The following CA10 variants were observed in gnomAD, a reference collection of about 807,000 sequenced individuals.
The protein encoded by CA10 is carbonic anhydrase 10 (inactive), also known as carbonic anhydrase-related protein 10.
Under a neutral mutation model 44.2 loss-of-function variants are expected in CA10, and 14 were observed. That is an observed-to-expected ratio of 0.32 (90% CI 0.21 to 0.50). The LOEUF is 0.50. CA10 is among the 20% of genes least tolerant of loss of function. The pLI, the probability that CA10 is intolerant of heterozygous loss-of-function variation, is 0.99. For missense variants in CA10, 350 were observed against 409.7 expected (o/e 0.85, Z 1.26); for synonymous variants, 159 against 141.6 (o/e 1.12, Z -0.87).
At chr17:51,962,675 A>G (rs915619220) in intron 2 of CA10, among the ~76,000 whole-genome samples, 2 of 152,176 alleles carry the variant, frequency 1.3e-5, no homozygotes, top group Admixed American at 6.5e-5. Flanking sequence ...CATATTCAAC[A>G]TTCTCTATGG....
chr17:51,794,048 A>G (rs530693356), intron 3 of CA10, among the ~76,000 whole-genome samples: 5 of 152,372 alleles, frequency 3.3e-5, no homozygotes, highest in Admixed American at 3.3e-4. Context: ...AAAAAGCTGA[A>G]TTGAACTAGG....
chr17:52,135,640 T>C (rs1171987691), intron 1 of CA10, among the ~76,000 whole-genome samples: 1 of 152,172 alleles, frequency 6.6e-6, no homozygotes, highest in East Asian at 1.9e-4. Flanking sequence ...AGGCTATGCT[T>C]CCTAGCCTGT....
chr17:51,888,488 T>A (rs2143903915), intron 3 of CA10, among the ~76,000 whole-genome samples: 1 of 152,334 alleles, frequency 6.6e-6, no homozygotes, highest in Non-Finnish European at 1.5e-5. Flanking sequence ...ATTGGAAAGC[T>A]CTTAAAGCAT....
intron 4 of CA10, among the ~76,000 whole-genome samples, chr17:51,741,404 T>C (rs1302913342): frequency 3.3e-5 from 5 of 152,254 alleles, no homozygotes; most frequent in African/African-American, 1.2e-4. Flanking sequence ...GTCTTAGTAG[T>C]AACTGCAAAC....
intron 2 of CA10, among the ~76,000 whole-genome samples, chr17:51,983,677 C>T (rs1056708159): frequency 5.9e-5 from 9 of 151,686 alleles, no homozygotes; most frequent in Non-Finnish European, 1.2e-4. Flanking sequence ...CCATGTCTGG[C>T]TGTATATCAA....
At chr17:52,152,963 T>C (rs1371334524) in intron 1 of CA10, among the ~76,000 whole-genome samples, 1 of 152,148 alleles carries the variant, frequency 6.6e-6, no homozygotes, top group Non-Finnish European at 1.5e-5. Context: ...CTGATTTCCA[T>C]ACTCTTTCTA....
chr17:52,039,619 C>T (rs1357169598), intron 2 of CA10, among the ~76,000 whole-genome samples: 1 of 152,070 alleles, frequency 6.6e-6, no homozygotes, highest in Non-Finnish European at 1.5e-5. Context: ...TTGAAAAAAG[C>T]TAATACCACC....
intron 3 of CA10, among the ~76,000 whole-genome samples, chr17:51,920,607 A>C (rs186489988): frequency 2.6e-5 from 4 of 152,184 alleles, no homozygotes; most frequent in Admixed American, 1.3e-4. Context: ...TTGCCTAATG[A>C]CTCTGCATTG....
intron 3 of CA10, among the ~76,000 whole-genome samples, chr17:51,919,865 G>C (rs1235867985): frequency 6.6e-6 from 1 of 152,102 alleles, no homozygotes; most frequent in Non-Finnish European, 1.5e-5. Context: ...TATTGGCCAG[G>C]CTGGTCTTGA....
intron 3 of CA10, among the ~76,000 whole-genome samples, chr17:51,809,950 C>T (rs142370108): frequency 6.6e-6 from 1 of 152,012 alleles, no homozygotes; most frequent in Non-Finnish European, 1.5e-5. Context: ...TGGTTGGGGG[C>T]AAGGAATGAA....
chr17:52,157,617 G>A, intron 1 of CA10, 109 bp downstream of exon 1: 2 of 954,546 alleles, frequency 2.1e-6, no homozygotes, highest in Non-Finnish European at 3.3e-6. Flanking sequence ...GAACTCAAAG[G>A]GTCTCGCCAC....
At chr17:51,964,124 C>T (rs113293268) in intron 2 of CA10, among the ~76,000 whole-genome samples, 15 of 151,710 alleles carry the variant, frequency 9.9e-5, no homozygotes, top group African/African-American at 2.4e-4. Context: ...TCTTAAATTG[C>T]GTAAAACAGA....
intron 4 of CA10, among the ~76,000 whole-genome samples, chr17:51,679,562 ATT>A (rs58947305): frequency 0.13 from 18,920 of 140,744 alleles, 2,709 homozygotes; most frequent in African/African-American, 0.37. Flanking sequence ...TGCCTGGCCT[ATT>A]TTTTTTTTTT....
intron 3 of CA10, among the ~76,000 whole-genome samples, chr17:51,900,857 C>T (rs754163074): frequency 6.6e-6 from 1 of 152,120 alleles, no homozygotes; most frequent in African/African-American, 2.4e-5. Flanking sequence ...TCAGCTCTAT[C>T]AGATCAATTT....
chr17:51,925,427 CAA>C (rs551887990), intron 3 of CA10, among the ~76,000 whole-genome samples: 1 of 117,654 alleles, frequency 8.5e-6, no homozygotes, highest in Non-Finnish European at 1.9e-5. Context: ...AAATAAATAA[CAA>C]AAAAAAAAAA....
chr17:51,835,962 G>A (rs932085815), intron 3 of CA10, among the ~76,000 whole-genome samples: 6 of 152,136 alleles, frequency 3.9e-5, no homozygotes, highest in African/African-American at 1.4e-4. Flanking sequence ...ATGAATAAAG[G>A]CATGAGATGG....
chr17:51,831,681 G>GCAGCAGCAGCAGCAGCATCAGCAT (rs1555604041), intron 3 of CA10, among the ~76,000 whole-genome samples: 75 of 70,340 alleles, frequency 1.1e-3, no homozygotes, highest in African/African-American at 2.6e-3. Flanking sequence ...AGCAGCAGCA[G>GCAGCAGCAGCAGCAGCATCAGCAT]CAGCAGCAGC....
intron 2 of CA10, among the ~76,000 whole-genome samples, chr17:52,020,482 A>G (rs531095329): frequency 5.3e-5 from 8 of 152,146 alleles, no homozygotes; most frequent in African/African-American, 1.4e-4. Context: ...CTTTGCCTAA[A>G]GAATTCACTT....
chr17:51,964,977 G>C (rs1598143471), intron 2 of CA10, among the ~76,000 whole-genome samples: 1 of 151,718 alleles, frequency 6.6e-6, no homozygotes, highest in Middle Eastern at 3.4e-3. Context: ...TTGTTTGAAA[G>C]GATAAACAAT....
Sources: gnomAD v4.1 joint callset for allele counts (sites outside exome capture counted in the v4.1 genomes callset) on GRCh38, gnomAD v4.1.1 for gene constraint, MANE v1.5 for transcripts, NCBI Gene and HGNC (gene_info 2026-07-23, HGNC 2026-07-21) for gene names.